The following GLIS3 variants were observed in gnomAD, a reference collection of about 807,000 sequenced individuals.
GLIS3 encodes the protein GLIS family zinc finger 3.
GLIS3 carries 53 observed loss-of-function variants against 78.6 expected under a neutral mutation model. The observed-to-expected ratio is 0.67, with a 90% CI of 0.54 to 0.85. The LOEUF (loss-of-function observed/expected upper bound fraction) is 0.85. GLIS3 is among the 40% of genes least tolerant of loss of function. GLIS3 has a pLI of 0.00. For synonymous variants in GLIS3, 684 were observed against 509.9 expected (o/e 1.34, Z -4.60); for missense variants, 1,703 against 1,231.1 (o/e 1.38, Z -5.74).
At chr9:4,383,679 C>G in the GLIS3 span, among the ~76,000 whole-genome samples, 1 of 152,182 alleles carries the variant, frequency 6.6e-6, no homozygotes, top group African/African-American at 2.4e-5. Context: ...CAAAAGAAGT[C>G]TCCAAAAGTC....
chr9:3,858,790 T>C (rs1007078971), intron 8 of GLIS3, among the ~76,000 whole-genome samples: 1 of 152,116 alleles, frequency 6.6e-6, no homozygotes, highest in Non-Finnish European at 1.5e-5. Context: ...TCCAGACAAT[T>C]GCTAGGAACA....
At chr9:4,106,711 G>C (rs949801162) in intron 4 of GLIS3, among the ~76,000 whole-genome samples, 2 of 152,138 alleles carry the variant, frequency 1.3e-5, no homozygotes, top group African/African-American at 4.8e-5. Context: ...GGGGAATATT[G>C]TGTTTCAGGG....
chr9:3,859,398 C>CACACAT (rs1820021037), intron 8 of GLIS3, among the ~76,000 whole-genome samples: 1 of 84,040 alleles, frequency 1.2e-5, no homozygotes, highest in Admixed American at 1.3e-4. Context: ...CACACACACA[C>CACACAT]ACATCAAAAT....
At chr9:4,292,816 C>T (rs1389277959) in intron 1 of GLIS3, among the ~76,000 whole-genome samples, 1 of 152,162 alleles carries the variant, frequency 6.6e-6, no homozygotes, top group African/African-American at 2.4e-5. Flanking sequence ...TTTAAATTAA[C>T]ACACAATGTC....
At chr9:4,089,678 G>A (rs1829326828) in intron 4 of GLIS3, among the ~76,000 whole-genome samples, 1 of 152,006 alleles carries the variant, frequency 6.6e-6, no homozygotes, top group Admixed American at 6.6e-5. Flanking sequence ...AATTAGCCAG[G>A]CATGGTGGTG....
At chr9:4,095,482 G>A (rs1217129126) in intron 4 of GLIS3, among the ~76,000 whole-genome samples, 1 of 152,188 alleles carries the variant, frequency 6.6e-6, no homozygotes, top group East Asian at 1.9e-4. Context: ...GATTGGGAGG[G>A]TTGCAGAAGT....
chr9:4,428,883 C>T, the GLIS3 span, among the ~76,000 whole-genome samples: 1 of 152,158 alleles, frequency 6.6e-6, no homozygotes, highest in Non-Finnish European at 1.5e-5. Context: ...CACCACTTCC[C>T]ATTAAGGCAC....
At chr9:3,974,993 G>T (rs1221385532) in intron 4 of GLIS3, 1 of 152,140 alleles carries the variant, frequency 6.6e-6, no homozygotes, top group African/African-American at 2.4e-5. Context: ...GGAGGAAGAG[G>T]CATGCGAAGA....
intron 5 of GLIS3, chr9:3,932,997 A>T (rs1233851686): frequency 4.3e-6 from 1 of 234,286 alleles, no homozygotes; most frequent in East Asian, 9.4e-5. Context: ...GGTTTCAAAC[A>T]GACACGTGAA....
intron 2 of GLIS3, among the ~76,000 whole-genome samples, chr9:4,199,508 TATATC>T (rs1190486541): frequency 3.3e-5 from 5 of 149,814 alleles, no homozygotes; most frequent in African/African-American, 9.7e-5. Flanking sequence ...TGATATAACT[TATATC>T]ATATAAAACA....
intron 7 of GLIS3, among the ~76,000 whole-genome samples, chr9:3,892,092 A>G (rs1449638371): frequency 6.6e-6 from 1 of 152,172 alleles, no homozygotes; most frequent in East Asian, 1.9e-4. Flanking sequence ...GTGTTAGTAG[A>G]AACGCCAGGG....
At chr9:4,217,251 G>A (rs1167442359) in intron 2 of GLIS3, among the ~76,000 whole-genome samples, 1 of 152,204 alleles carries the variant, frequency 6.6e-6, no homozygotes, top group Non-Finnish European at 1.5e-5. Context: ...CATAGGGTAT[G>A]CATGTGCACT....
chr9:3,898,615 G>T, intron 7 of GLIS3, 76 bp downstream of exon 7: 1 of 1,584,610 alleles, frequency 6.3e-7, no homozygotes, highest in Non-Finnish European at 8.7e-7. Flanking sequence ...TTTTTCTCAC[G>T]TGAGCATTCC....
At chr9:4,086,780 C>A (rs1338240537) in intron 4 of GLIS3, among the ~76,000 whole-genome samples, 4 of 152,208 alleles carry the variant, frequency 2.6e-5, no homozygotes, top group Non-Finnish European at 5.9e-5. Flanking sequence ...AACAACTTCA[C>A]TAACTAGAGA....
At chr9:4,090,055 C>T (rs774221419) in intron 4 of GLIS3, among the ~76,000 whole-genome samples, 24 of 152,188 alleles carry the variant, frequency 1.6e-4, no homozygotes, top group African/African-American at 4.8e-4. Flanking sequence ...TGCCTGGGCT[C>T]ACAGGGACTG....
chr9:4,325,519 A>G (rs560267622), intron 2 of GLIS3, among the ~76,000 whole-genome samples: 6 of 152,188 alleles, frequency 3.9e-5, no homozygotes, highest in Non-Finnish European at 8.8e-5. Flanking sequence ...TTCACCTTCC[A>G]GTTGCTCTCG....
the GLIS3 span, among the ~76,000 whole-genome samples, chr9:4,418,056 A>G: frequency 6.6e-6 from 1 of 152,218 alleles, no homozygotes; most frequent in African/African-American, 2.4e-5. Context: ...ATCAAAAAAC[A>G]TTCCACACAT....
At chr9:3,851,836 G>A (rs1819453227) in intron 9 of GLIS3, among the ~76,000 whole-genome samples, 1 of 152,156 alleles carries the variant, frequency 6.6e-6, no homozygotes. Context: ...TTAGAAACAT[G>A]TTTTTGATTA....
At chr9:4,216,148 T>A (rs1820807761) in intron 2 of GLIS3, among the ~76,000 whole-genome samples, 1 of 152,062 alleles carries the variant, frequency 6.6e-6, no homozygotes, top group Non-Finnish European at 1.5e-5. Flanking sequence ...TTTTTATTCC[T>A]TAGTTCTAAA....
Sources: allele counts gnomAD v4.1 joint callset (sites outside exome capture counted in the v4.1 genomes callset), GRCh38; gene constraint gnomAD v4.1.1; transcripts MANE v1.5; gene names NCBI Gene and HGNC (gene_info 2026-07-23, HGNC 2026-07-21).